The following GRM4 variants were observed in gnomAD, a reference collection of about 807,000 sequenced individuals.
The protein encoded by GRM4 is metabotropic glutamate receptor 4.
Under a neutral mutation model 81.7 loss-of-function variants are expected in GRM4, and 28 were observed. The observed-to-expected ratio is 0.34, with a 90% CI of 0.25 to 0.47. The LOEUF (loss-of-function observed/expected upper bound fraction) is 0.47, where lower values mean the gene tolerates loss of function less well. Among genes scored for constraint, GRM4 ranks in the 20% least tolerant of loss-of-function variants. The pLI, the probability that GRM4 is intolerant of heterozygous loss-of-function variation, is 1.00. For synonymous variants in GRM4, 488 were observed against 528.8 expected (o/e 0.92, Z 1.06); for missense variants, 948 against 1,290.0 (o/e 0.73, Z 4.06).
rs1326170976 is a variant in GRM4 at position 34,130,063 on chromosome 6, C to G, written c.519+2915G>C. Among the ~76,000 whole-genome samples the G allele has an allele frequency of 6.6e-6, 1 of 152,128 alleles. No homozygotes were observed. Among genetic ancestry groups the G allele is most frequent in the African/African-American group, 2.4e-5 (1 of 41,420 alleles). ...ACACCTGGTGGTGGGCGCAGGTCCCCTCCCCCAAGGCATCCCTCCCTCACC... is the reference window on the plus strand; with the variant it reads ...ACACCTGGTGGTGGGCGCAGGTCCCGTCCCCCAAGGCATCCCTCCCTCACC... On this transcript the variant is annotated intron_variant, in intron 2 of 10. Transcript: ENST00000538487. The surrounding 1 kb of genome is among the most constrained non-coding windows in gnomAD (Gnocchi z 4.1).
intron 9 of GRM4, 31 bp from the exon 10 acceptor site, chr6:34,028,397 G>C (rs761576869): frequency 6.3e-7 from 1 of 1,591,274 alleles, no homozygotes; most frequent in Non-Finnish European, 8.5e-7. Flanking sequence ...GTCAGAGCAG[G>C]CTCTGCCCCG....
chr6:34,129,165 C>T (rs1388153877), intron 2 of GRM4, among the ~76,000 whole-genome samples: 1 of 152,114 alleles, frequency 6.6e-6, no homozygotes, highest in Non-Finnish European at 1.5e-5. Flanking sequence ...CAGGCACATG[C>T]CACCACACCT....
At chr6:34,065,571 C>A (rs1290111709) in intron 3 of GRM4, among the ~76,000 whole-genome samples, 1 of 152,178 alleles carries the variant, frequency 6.6e-6, no homozygotes, top group Non-Finnish European at 1.5e-5. Context: ...GCCTCCTTGG[C>A]TTTCCTGGGT....
chr6:34,044,733 T>G (rs1004912035), intron 6 of GRM4, among the ~76,000 whole-genome samples: 1 of 93,678 alleles, frequency 1.1e-5, no homozygotes, highest in Non-Finnish European at 2.1e-5. Context: ...CACACAGACA[T>G]ACATACATAC....
At position 34,040,402 on chromosome 6, in the gene GRM4, C is replaced by A. The variant is rs550550133; in HGVS notation, c.1370-88G>T. 3.5e-5 allele frequency: 51 copies of A among 1,475,918 alleles called. No homozygotes were observed. The East Asian group carries it at 1.2e-3, about 34-fold the overall frequency. 91.4% of individuals were successfully genotyped at this position (1,475,918 alleles called of 1,614,324 possible). On this transcript the variant is annotated intron_variant, in intron 7 of 10. Coordinates refer to ENST00000538487, the MANE Select transcript of GRM4 (RefSeq NM_000841.4). Reference sequence around the variant, plus strand: ...TGGGGCAGAGACCTCTCTGACACACCCATTCATGGAACATTCTGGGAGATT... The same window carrying A: ...TGGGGCAGAGACCTCTCTGACACACACATTCATGGAACATTCTGGGAGATT...
chr6:34,101,959 G>T, intron 2 of GRM4: 2 of 1,501,840 alleles, frequency 1.3e-6, no homozygotes, highest in Non-Finnish European at 1.8e-6. Flanking sequence ...GCCAGGACGT[G>T]TGGACCTCCA....
At chr6:34,044,369 CACAT>C (rs1231605910) in intron 6 of GRM4, among the ~76,000 whole-genome samples, 3 of 151,102 alleles carry the variant, frequency 2.0e-5, no homozygotes, top group Non-Finnish European at 2.9e-5. Flanking sequence ...CACAGACACA[CACAT>C]ACACACACAT....
intron 1 of GRM4, among the ~76,000 whole-genome samples, chr6:34,134,358 A>T (rs987368635): frequency 6.6e-6 from 1 of 152,172 alleles, no homozygotes; most frequent in Non-Finnish European, 1.5e-5. Context: ...TCCTGCTGTC[A>T]GCTCTGGAAC....
chr6:34,116,287 A>T (rs1198247731), intron 2 of GRM4, among the ~76,000 whole-genome samples: 1 of 152,190 alleles, frequency 6.6e-6, no homozygotes, highest in African/African-American at 2.4e-5. Flanking sequence ...CCTCTCCTGT[A>T]AAATGGGGCC....
chr6:34,082,843 C>T (rs192957246), intron 3 of GRM4, among the ~76,000 whole-genome samples: 2 of 152,192 alleles, frequency 1.3e-5, no homozygotes, highest in Non-Finnish European at 2.9e-5. Flanking sequence ...CAGGGCAGCA[C>T]AACTCATGAT....
At position 34,039,627 on chromosome 6, in the gene GRM4, C is replaced by T. The variant is rs530243864; in HGVS notation, c.1506+551G>A. Among the ~76,000 whole-genome samples the T allele has an allele frequency of 4.1e-4, 62 of 152,320 alleles. 1 individual carries two copies. Among genetic ancestry groups the T allele is most frequent in the Middle Eastern group, 3.4e-3 (1 of 294 alleles). ...TGGGACATTCCATGAGCTAGGAAAGCGTGGCTAGGAGGACCCAGAAAAATG... is the reference window on the plus strand; with the variant it reads ...TGGGACATTCCATGAGCTAGGAAAGTGTGGCTAGGAGGACCCAGAAAAATG... On this transcript the variant is annotated intron_variant, in intron 8 of 10. Transcript: ENST00000538487.
chr6:34,031,276 T>A (rs1316038795), intron 9 of GRM4, among the ~76,000 whole-genome samples: 1 of 152,146 alleles, frequency 6.6e-6, no homozygotes, highest in East Asian at 1.9e-4. Context: ...CTCTCCTGTG[T>A]GGATGGGCCC....
intron 2 of GRM4, among the ~76,000 whole-genome samples, chr6:34,102,757 G>A (rs890433398): frequency 6.6e-6 from 1 of 152,214 alleles, no homozygotes; most frequent in Non-Finnish European, 1.5e-5. Flanking sequence ...GGCATTCATT[G>A]AACAAAGGGG....
chr6:34,056,501 T>A, intron 6 of GRM4, 43 bp downstream of exon 6: 10 of 1,570,036 alleles, frequency 6.4e-6, no homozygotes, highest in Non-Finnish European at 8.7e-6. Context: ...CCTCCCCGGC[T>A]CCTCCTAGAG....
chr6:34,084,613 C>G (rs937042), intron 3 of GRM4, among the ~76,000 whole-genome samples: 4,483 of 152,224 alleles, frequency 0.029, 150 homozygotes, highest in African/African-American at 0.086. Context: ...CCAGCGCGAC[C>G]CCAGCACGAC....
At chr6:34,103,673 A>G (rs1394469062) in intron 2 of GRM4, 2 of 1,534,756 alleles carry the variant, frequency 1.3e-6, no homozygotes, top group Non-Finnish European at 1.7e-6. Flanking sequence ...GCAGAGGCCC[A>G]GCAAGGAGCC....
rs991827254 is a variant in GRM4, at chr6:34,106,719, G to A, written c.520-14620C>T. ...AGGACTGTTTGCCTCCCGCTGGCACGTCAGTCCCATGAGGGCAGGGGATTT... is the reference window on the plus strand; with the variant it reads ...AGGACTGTTTGCCTCCCGCTGGCACATCAGTCCCATGAGGGCAGGGGATTT... On this transcript the variant is annotated intron_variant, in intron 2 of 10. Transcript: ENST00000538487. Among the ~76,000 whole-genome samples the A allele has an allele frequency of 5.3e-5, 8 of 152,242 alleles. No homozygotes were observed. The South Asian group carries it at 8.3e-4, about 16-fold the overall frequency.
Position 34,020,597 on chromosome 6 carries a change from C to T in GRM4, c.*2224G>A, listed in dbSNP as rs1031098858. Reference sequence around the variant, plus strand: ...CCCTTGATCTGGCAACCTAGTTCTGCCTGACCGGGCTGGAGCACTGGGTGG... The same window carrying T: ...CCCTTGATCTGGCAACCTAGTTCTGTCTGACCGGGCTGGAGCACTGGGTGG... On this transcript the variant is annotated 3_prime_UTR_variant, in exon 11 of 11. Transcript: ENST00000538487. The T allele has an allele frequency of 7.1e-6, 1 of 141,026 alleles. No homozygotes were observed. The allele number at this position is 141,026 out of a possible 1,614,324, so 8.7% of individuals were successfully genotyped here.
rs1428530327 is a variant in GRM4 at position 34,047,808 on chromosome 6, G to A, written c.1169-7060C>T. Among the ~76,000 whole-genome samples, 2 of 152,168 alleles carry A rather than the reference G, an allele frequency of 1.3e-5. No homozygotes were observed. The highest frequency in any genetic ancestry group is 2.9e-5 in the Non-Finnish European group (2 of 68,046). On this transcript the variant is annotated intron_variant, in intron 6 of 10. Coordinates refer to ENST00000538487, the MANE Select transcript of GRM4 (RefSeq NM_000841.4). This position sits in a 1 kb window ranked among gnomAD's most constrained non-coding sequence, Gnocchi z 4.5. Reference sequence around the variant, plus strand: ...GAGGAGGTGAAGCAGCTTACCCAGTGGGAGTCGATTCTTGACTCCCTCTCA... The same window carrying A: ...GAGGAGGTGAAGCAGCTTACCCAGTAGGAGTCGATTCTTGACTCCCTCTCA...
Sources: allele counts gnomAD v4.1 joint callset (sites outside exome capture counted in the v4.1 genomes callset), GRCh38; gene constraint gnomAD v4.1.1; non-coding constraint Gnocchi (gnomAD v3.1); transcripts MANE v1.5; gene names NCBI Gene and HGNC (gene_info 2026-07-23, HGNC 2026-07-21).